Variants in TARS1 observed in about 807,000 individuals in gnomAD.
TARS1 encodes the protein threonyl-tRNA synthetase 1, also known as threonine--tRNA ligase 1, cytoplasmic.
In TARS1, 57 loss-of-function variants were observed where a neutral mutation model predicts 97.7. That is an observed-to-expected ratio of 0.58 (90% confidence interval 0.47 to 0.73). The LOEUF is 0.73. Ranked by LOEUF, TARS1 falls within the 30% of genes least tolerant of loss-of-function variation. The probability of loss-of-function intolerance (pLI) is 0.00; values close to 1 mark genes in which losing one functional copy is unlikely to be tolerated. For missense variants in TARS1, 806 were observed against 888.3 expected (o/e 0.91, Z 1.18); for synonymous variants, 312 against 293.7 (o/e 1.06, Z -0.64).
At chr5:33,452,910 G>T (rs1161678945) in intron 3 of TARS1, among the ~76,000 whole-genome samples, 2 of 151,720 alleles carry the variant, frequency 1.3e-5, no homozygotes, top group Non-Finnish European at 2.9e-5. Context: ...ATTGCTTCAG[G>T]CCAGGAGGCC....
chr5:33,457,299 C>T lies in TARS1; in HGVS notation c.880C>T (p.Leu294Phe), dbSNP rs151002126. 1.0e-4 allele frequency: 163 copies of T among 1,614,104 alleles called. No homozygotes were observed. The highest frequency in any genetic ancestry group is 1.2e-4 in the Admixed American group (7 of 60,022). ...GGAAGGCAAAGCAGATATGGAGACT[C>T]TCCAGAGAATTTATGGCATTTCATT... ...YWEGKADMET[L>F]QRIYGISFPD... The change falls in exon 9 of 19, where the codon CTC becomes TTC. Residue 294 changes from leucine to phenylalanine, a missense_variant. Transcript: ENST00000265112.
chr5:33,467,400 G>C (rs1251068061), intron 18 of TARS1, among the ~76,000 whole-genome samples, 160 bp from the exon 19 acceptor site: 1 of 152,160 alleles, frequency 6.6e-6, no homozygotes, highest in Non-Finnish European at 1.5e-5. Flanking sequence ...ATTGCAAAGA[G>C]TTTCTTTTAA....
chr5:33,453,635 A>C lies in TARS1; in HGVS notation c.453+223A>C, dbSNP rs767786304. On this transcript the variant is annotated intron_variant, in intron 4 of 18. Transcript: ENST00000265112. ...AAGTCTTTTCATTACTAGACACTTC[A>C]ATAGGGAAAATGTTTTGGGAATTGT... Among the ~76,000 whole-genome samples, 63 of 152,152 alleles carry C rather than the reference A, an allele frequency of 4.1e-4. 1 individual carries two copies. Among genetic ancestry groups the C allele is most frequent in the Admixed American group, 4.0e-3 (61 of 15,272 alleles).
chr5:33,464,452 T>G (rs1742439791), intron 17 of TARS1, among the ~76,000 whole-genome samples: 1 of 152,184 alleles, frequency 6.6e-6, no homozygotes, highest in South Asian at 2.1e-4. Flanking sequence ...TACCAACAAA[T>G]GTATAGCCAT....
intron 17 of TARS1, 161 bp from the exon 18 acceptor site, chr5:33,466,710 A>G (rs1742542545): frequency 1.8e-5 from 8 of 434,004 alleles, no homozygotes; most frequent in East Asian, 3.6e-5. Flanking sequence ...TTGAGGGGGG[A>G]ATAATGGCAG....
chr5:33,454,855 ATAT>A, intron 4 of TARS1, 87 bp from the exon 5 acceptor site: 1 of 1,484,748 alleles, frequency 6.7e-7, no homozygotes, highest in Non-Finnish European at 9.0e-7. Flanking sequence ...CTTGTAGTAA[ATAT>A]TATCATCTGT....
Position 33,459,961 on chromosome 5 carries a change from T to C in TARS1, c.1250+100T>C, listed in dbSNP as rs970681649. The C allele has an allele frequency of 3.6e-5, 49 of 1,350,300 alleles. No individual in the cohort carries two copies. The Middle Eastern group carries it at 9.3e-4, about 26-fold the overall frequency. 83.6% of individuals were successfully genotyped at this position (1,350,300 alleles called of 1,614,324 possible). A position where few individuals can be genotyped will look rare whatever the true frequency, so the allele number is the denominator to read the frequency against. On this transcript the variant is annotated intron_variant, in intron 11 of 18. Coordinates refer to ENST00000265112, the MANE Select transcript of TARS1 (RefSeq NM_152295.5). The stretch of plus-strand genomic sequence containing the variant: ...CAACATTTTCATTAAAAACAAATTA[T>C]GTGATCAGAAGAGCATTTAAACGCA...
In TARS1 at chr5:33,445,287, A is replaced by C. The variant is rs75238388; in HGVS notation, c.58-37A>C. 575 of 1,540,246 alleles carry C rather than the reference A, an allele frequency of 3.7e-4. 1 individual carries two copies. In the East Asian group the frequency reaches 0.013, roughly 35 times the overall value. ...GGGCATCACAGGATGGAGGTGTCAC[A>C]TTAGATTAAAATATAAAACGTTTTT... is the stretch of plus-strand genomic sequence containing the variant. On this transcript the variant is annotated intron_variant, in intron 1 of 18. Coordinates refer to ENST00000265112, the MANE Select transcript of TARS1 (RefSeq NM_152295.5).
At chr5:33,467,478 G>A in intron 18 of TARS1, 82 bp from the exon 19 acceptor site, 1 of 1,519,986 alleles carries the variant, frequency 6.6e-7, no homozygotes, top group South Asian at 1.3e-5. Context: ...TGGGTCCTAG[G>A]ATCATTTCTT....
chr5:33,458,712 AT>A, intron 10 of TARS1, 48 bp downstream of exon 10: 1 of 1,408,794 alleles, frequency 7.1e-7, no homozygotes. Context: ...ATATGTGATC[AT>A]TTTATTAAAT....
chr5:33,463,448 AGTGTTTT>A (rs1742389669), intron 16 of TARS1, among the ~76,000 whole-genome samples: 1 of 152,346 alleles, frequency 6.6e-6, no homozygotes, highest in African/African-American at 2.4e-5. Flanking sequence ...GCCAATACAC[AGTGTTTT>A]GTGATGTATT....
intron 1 of TARS1, 29 bp from the exon 2 acceptor site, chr5:33,445,295 A>T: frequency 6.3e-7 from 1 of 1,579,500 alleles, no homozygotes; most frequent in Non-Finnish European, 8.6e-7. Context: ...ACATTAGATT[A>T]AAATATAAAA....
chr5:33,440,800 C>T (rs1246492978), upstream of TARS1: 6 of 536,186 alleles, frequency 1.1e-5, no homozygotes, highest in African/African-American at 3.8e-5. Context: ...AGGCATGTAG[C>T]TTCTGCAGTT....
intron 6 of TARS1, 67 bp from the exon 7 acceptor site, chr5:33,455,935 A>T (rs1171354775): frequency 7.3e-7 from 1 of 1,378,678 alleles, no homozygotes; most frequent in Non-Finnish European, 1.0e-6. Context: ...GCTACGTTTT[A>T]GCTATAGTAC....
At chr5:33,442,312 T>G (rs1376118287) in intron 1 of TARS1, among the ~76,000 whole-genome samples, 1 of 149,116 alleles carries the variant, frequency 6.7e-6, no homozygotes, top group African/African-American at 2.5e-5. Context: ...ATTTTTACTG[T>G]TTTGTAACTT....
intron 3 of TARS1, chr5:33,452,210 G>A: frequency 1.4e-6 from 1 of 701,806 alleles, no homozygotes; most frequent in Non-Finnish European, 2.4e-6. Context: ...AGTGTAAAGG[G>A]TGTATACTTT....
chr5:33,440,923 C>A (rs535774815), upstream of TARS1: 22 of 721,854 alleles, frequency 3.0e-5, no homozygotes, highest in Middle Eastern at 4.1e-4. Context: ...CCATTGGCTG[C>A]TCGTTCCGCC....
At chr5:33,444,817 C>G (rs977966999) in intron 1 of TARS1, among the ~76,000 whole-genome samples, 1 of 151,946 alleles carries the variant, frequency 6.6e-6, no homozygotes, top group Non-Finnish European at 1.5e-5. Flanking sequence ...GTTTTCTCCT[C>G]CGGGAGTTTC....
At chr5:33,451,718 TTG>T (rs1469650065) in intron 3 of TARS1, among the ~76,000 whole-genome samples, 1 of 152,050 alleles carries the variant, frequency 6.6e-6, no homozygotes, top group Non-Finnish European at 1.5e-5. Context: ...CTTTGAAAAA[TTG>T]AAATGATCCA....
Sources: allele counts gnomAD v4.1 joint callset (sites outside exome capture counted in the v4.1 genomes callset), GRCh38; gene constraint gnomAD v4.1.1; transcripts MANE v1.5; gene names NCBI Gene and HGNC (gene_info 2026-07-23, HGNC 2026-07-21).